The following SEC16B variants were observed in gnomAD, a reference collection of about 807,000 sequenced individuals.
The protein encoded by SEC16B is protein transport protein Sec16B.
A neutral mutation model predicts 141.8 loss-of-function variants in SEC16B; 115 were observed. That is an observed-to-expected ratio of 0.81 (90% CI 0.70 to 0.95). SEC16B has a LOEUF of 0.95. Ranked by LOEUF, SEC16B falls within the 40% of genes least tolerant of loss-of-function variation. The pLI, the probability that SEC16B is intolerant of heterozygous loss-of-function variation, is 0.00. For missense variants in SEC16B, 1,291 were observed against 1,312.3 expected, an observed-to-expected ratio of 0.98 and a Z score of 0.25; for synonymous variants, 493 against 492.5, an observed-to-expected ratio of 1.00 and a Z score of -0.01.
chr1:177,957,123 A>G (rs183261898), intron 10 of SEC16B, among the ~76,000 whole-genome samples: 14 of 152,304 alleles, frequency 9.2e-5, no homozygotes, highest in Non-Finnish European at 2.9e-5. Flanking sequence ...GAACCTTTTA[A>G]AAGTGCATGC....
intron 20 of SEC16B, 129 bp downstream of exon 20, chr1:177,936,169 C>G (rs554176018): frequency 2.5e-5 from 18 of 722,674 alleles, no homozygotes; most frequent in Admixed American, 9.3e-5. Context: ...AAAGGCAAGG[C>G]GAGATGTGGA....
intron 6 of SEC16B, 175 bp from the exon 7 acceptor site, chr1:177,961,114 G>T: frequency 1.5e-6 from 1 of 645,964 alleles, no homozygotes; most frequent in Non-Finnish European, 2.6e-6. Flanking sequence ...TCAGATTTAA[G>T]CCTCTGAGAA....
intron 10 of SEC16B, among the ~76,000 whole-genome samples, chr1:177,955,331 CA>C (rs1329545297): frequency 6.6e-6 from 1 of 151,442 alleles, no homozygotes; most frequent in East Asian, 1.9e-4. Flanking sequence ...CCCATATCTA[CA>C]AAAAAAATTT....
intron 15 of SEC16B, among the ~76,000 whole-genome samples, chr1:177,943,472 C>A (rs150206432): frequency 6.6e-6 from 1 of 152,308 alleles, no homozygotes; most frequent in East Asian, 1.9e-4. Flanking sequence ...CTCTATGACA[C>A]AGGATTTCAC....
chr1:177,955,094 A>G (rs1364829412), intron 10 of SEC16B, among the ~76,000 whole-genome samples: 4 of 151,946 alleles, frequency 2.6e-5, no homozygotes, highest in Non-Finnish European at 4.4e-5. Flanking sequence ...TCAAAGCCTC[A>G]ATAGAAAAAT....
chr1:177,951,774 C>T, intron 12 of SEC16B, 140 bp downstream of exon 12: 2 of 698,856 alleles, frequency 2.9e-6, no homozygotes, highest in Admixed American at 2.2e-5. Flanking sequence ...TAGCACAGGG[C>T]CTGGCACATG....
intron 1 of SEC16B, among the ~76,000 whole-genome samples, chr1:177,982,866 G>T (rs1654476555): frequency 6.6e-6 from 1 of 152,190 alleles, no homozygotes; most frequent in Non-Finnish European, 1.5e-5. Context: ...AAAGGTACTT[G>T]TTCCAATCAA....
intron 12 of SEC16B, among the ~76,000 whole-genome samples, chr1:177,950,076 T>C (rs1019212971): frequency 1.8e-4 from 27 of 151,936 alleles, no homozygotes; most frequent in African/African-American, 6.5e-4. Context: ...TGCTACAAAA[T>C]AGCCGGTTGA....
intron 11 of SEC16B, 92 bp downstream of exon 11, chr1:177,954,187 G>T: frequency 2.3e-6 from 2 of 855,214 alleles, no homozygotes; most frequent in Non-Finnish European, 3.8e-6. Flanking sequence ...AGTCTCCTTA[G>T]CGCGTCTGAC....
In SEC16B at chr1:177,964,256, TTACA is replaced by T. The variant is rs1653325087; in HGVS notation, c.553_556del (p.Cys185LysfsTer88). ...TCCAGAGTTGGAAGCAGGGCTGTCT[TTACA>T]AGGGTTCCTACTGTTAGATCTGCAG... On this transcript the variant is annotated frameshift_variant, in exon 5 of 26. Transcript: ENST00000308284. LOFTEE classifies it high-confidence loss of function. The T allele has an allele frequency of 6.2e-7, 1 of 1,613,276 alleles. No homozygotes were observed. The highest frequency in any genetic ancestry group is 1.3e-5 in the African/African-American group (1 of 74,902).
intron 20 of SEC16B, among the ~76,000 whole-genome samples, chr1:177,935,143 C>G (rs888157822): frequency 2.6e-5 from 4 of 152,106 alleles, no homozygotes; most frequent in African/African-American, 9.7e-5. Context: ...CACTTGAAGG[C>G]CTCCTCAGAG....
intron 1 of SEC16B, among the ~76,000 whole-genome samples, chr1:177,980,767 A>AAAAG (rs893882246): frequency 2.1e-5 from 3 of 144,434 alleles, no homozygotes; most frequent in East Asian, 2.0e-4. Context: ...GCGAAAAAAA[A>AAAAG]AAAGAAAGAA....
Position 177,929,526 on chromosome 1 carries a change from C to T in SEC16B, c.*332G>A, listed in dbSNP as rs74996217. On this transcript the variant is annotated 3_prime_UTR_variant, in exon 26 of 26. Coordinates refer to ENST00000308284, the MANE Select transcript of SEC16B (RefSeq NM_033127.4). ...GGGCCCTGCGGTATCATCTTTGATT[C>T]TAGCTGTTAGGGCCCTAATTTCCCC... 8.9e-3 allele frequency: 2,860 copies of T among 322,976 alleles called. 88 individuals carry two copies. The highest frequency in any genetic ancestry group is 0.055 in the African/African-American group (2,646 of 47,718). 20.0% of individuals were successfully genotyped at this position (322,976 alleles called of 1,614,324 possible).
rs918673872 is a variant in SEC16B at position 177,946,382 on chromosome 1, A to C, written c.1775+38T>G. The C allele has an allele frequency of 3.5e-6, 5 of 1,430,474 alleles. No individual in the cohort carries two copies. The African/African-American group carries it at 7.1e-5, about 20-fold the overall frequency. 88.6% of individuals were successfully genotyped at this position (1,430,474 alleles called of 1,614,324 possible). On this transcript the variant is annotated intron_variant, in intron 14 of 25. Coordinates refer to ENST00000308284, the MANE Select transcript of SEC16B (RefSeq NM_033127.4). ...ACAAGGGCTAAAACAGTCCCTTGGA[A>C]AATGTCCTTACTGTTTCCTTTCTCC...
Sources: gnomAD v4.1 joint callset for allele counts (sites outside exome capture counted in the v4.1 genomes callset) on GRCh38, gnomAD v4.1.1 for gene constraint, MANE v1.5 for transcripts, NCBI Gene and HGNC (gene_info 2026-07-23, HGNC 2026-07-21) for gene names.